The following HECW1 variants were observed in gnomAD, a reference collection of about 807,000 sequenced individuals.
The protein encoded by HECW1 is HECT, C2 and WW domain containing E3 ubiquitin protein ligase 1.
A neutral mutation model predicts 182.3 loss-of-function variants in HECW1; 61 were observed. The observed-to-expected ratio is 0.33, with a 90% CI of 0.27 to 0.41. HECW1 has a LOEUF of 0.41. Ranked by LOEUF, HECW1 falls within the 10% of genes least tolerant of loss-of-function variation. The pLI is 1.00. For synonymous variants in HECW1, 859 were observed against 832.6 expected (o/e 1.03, Z -0.55); for missense variants, 1,739 against 2,108.9 (o/e 0.82, Z 3.44).
chr7:43,168,281 AG>A (rs1791333877), intron 2 of HECW1, among the ~76,000 whole-genome samples: 1 of 152,168 alleles, frequency 6.6e-6, no homozygotes, highest in African/African-American at 2.4e-5. Context: ...AGAGAGAGAG[AG>A]ACAAGGAAAC....
At chr7:43,415,462 T>A (rs1249531931) in intron 8 of HECW1, among the ~76,000 whole-genome samples, 1 of 151,666 alleles carries the variant, frequency 6.6e-6, no homozygotes, top group East Asian at 1.9e-4. Flanking sequence ...GCCCTTAACA[T>A]TTTTTCCTTC....
chr7:43,338,543 G>A (rs1162808656), intron 5 of HECW1, among the ~76,000 whole-genome samples: 2 of 151,970 alleles, frequency 1.3e-5, no homozygotes, highest in Non-Finnish European at 2.9e-5. Context: ...TAGCTCGTTG[G>A]TTTGTAGCCA....
At chr7:43,176,359 C>A (rs1283096913) in intron 2 of HECW1, among the ~76,000 whole-genome samples, 2 of 152,140 alleles carry the variant, frequency 1.3e-5, no homozygotes, top group East Asian at 3.9e-4. Context: ...TATTTTAGGA[C>A]CATTTTCATT....
At chr7:43,291,746 G>A (rs1805432905) in intron 3 of HECW1, among the ~76,000 whole-genome samples, 1 of 152,166 alleles carries the variant, frequency 6.6e-6, no homozygotes, top group African/African-American at 2.4e-5. Flanking sequence ...ACATTAACAA[G>A]AGAAAAACAA....
At chr7:43,157,429 T>C (rs1343078506) in intron 2 of HECW1, among the ~76,000 whole-genome samples, 1 of 152,214 alleles carries the variant, frequency 6.6e-6, no homozygotes, top group African/African-American at 2.4e-5. Context: ...AAAATAATAA[T>C]TTTGACTGTA....
intron 7 of HECW1, among the ~76,000 whole-genome samples, chr7:43,403,291 A>G (rs2075489188): frequency 6.6e-6 from 1 of 152,242 alleles, no homozygotes; most frequent in African/African-American, 2.4e-5. Flanking sequence ...TCTTCAACAA[A>G]GAACAGTACA....
At chr7:43,278,477 C>A (rs977699996) in intron 3 of HECW1, among the ~76,000 whole-genome samples, 1 of 152,166 alleles carries the variant, frequency 6.6e-6, no homozygotes, top group African/African-American at 2.4e-5. Context: ...ACCCATGCGG[C>A]CCGTTCTCAT....
intron 5 of HECW1, among the ~76,000 whole-genome samples, chr7:43,325,646 C>T (rs1022078690): frequency 2.6e-5 from 4 of 151,778 alleles, no homozygotes; most frequent in African/African-American, 7.3e-5. Flanking sequence ...TCGTAGGCAC[C>T]GCCTCCTCAC....
intron 8 of HECW1, among the ~76,000 whole-genome samples, chr7:43,408,815 G>A (rs2075700315): frequency 6.6e-6 from 1 of 152,172 alleles, no homozygotes; most frequent in South Asian, 2.1e-4. Flanking sequence ...AGAGTGGATG[G>A]GGTATAATGT....
intron 3 of HECW1, among the ~76,000 whole-genome samples, chr7:43,278,071 T>C (rs921632956): frequency 6.6e-6 from 1 of 152,110 alleles, no homozygotes. Flanking sequence ...AAATAACATA[T>C]ATTGGCAGGT....
intron 2 of HECW1, among the ~76,000 whole-genome samples, chr7:43,232,186 TTGAA>T (rs1244928004): frequency 1.3e-4 from 20 of 152,112 alleles, no homozygotes; most frequent in Non-Finnish European, 2.8e-4. Context: ...TTGGGATAGT[TTGAA>T]TGGGCCACAG....
chr7:43,563,249 A>C lies in HECW1; in HGVS notation c.*1323A>C, dbSNP rs1219459365. 1 of 208,820 alleles carries C rather than the reference A, an allele frequency of 4.8e-6. No homozygotes were observed. Among genetic ancestry groups the C allele is most frequent in the African/African-American group, 2.3e-5 (1 of 43,956 alleles). The allele number at this position is 208,820 out of a possible 1,614,324, so 12.9% of individuals were successfully genotyped here. On this transcript the variant is annotated 3_prime_UTR_variant, in exon 30 of 30. Transcript: ENST00000395891. ...TTAGCATTCAGTGAAAACATATCTC[A>C]GAAAACTTCATGTTGTCAGAAAAAC...
intron 3 of HECW1, among the ~76,000 whole-genome samples, chr7:43,275,704 G>GCA (rs1412332516): frequency 2.4e-4 from 35 of 148,454 alleles, no homozygotes; most frequent in East Asian, 7.8e-4. Context: ...GTTCTTATGC[G>GCA]CACGCACACA....
Position 43,445,386 on chromosome 7 carries a change from C to CGAG in HECW1, c.2224_2226dup (p.Glu742dup), listed in dbSNP as rs748600849. ...GCACGGTCTTCTCCTCGCAAGACGA[C>CGAG]GAGGAGGAGGAGAACAGCGCGTTCG... On this transcript the variant is annotated inframe_insertion, in exon 11 of 30. Transcript: ENST00000395891. 29 of 1,613,502 alleles carry CGAG rather than the reference C, an allele frequency of 1.8e-5. No homozygotes were observed. The highest frequency in any genetic ancestry group is 2.4e-5 in the Non-Finnish European group (28 of 1,179,988).
At chr7:43,180,613 T>G (rs553224398) in intron 2 of HECW1, among the ~76,000 whole-genome samples, 6 of 152,298 alleles carry the variant, frequency 3.9e-5, no homozygotes, top group African/African-American at 1.4e-4. Context: ...GCCAGGATGG[T>G]CTCGACCTCC....
At chr7:43,184,921 C>T (rs992245158) in intron 2 of HECW1, among the ~76,000 whole-genome samples, 1 of 151,856 alleles carries the variant, frequency 6.6e-6, no homozygotes, top group Non-Finnish European at 1.5e-5. Context: ...TGCCACACAC[C>T]CTTAAACAAT....
chr7:43,407,209 G>A (rs756548908), intron 7 of HECW1, among the ~76,000 whole-genome samples: 2 of 152,136 alleles, frequency 1.3e-5, no homozygotes, highest in African/African-American at 2.4e-5. Context: ...TCCACGCTCT[G>A]TGCTCTTTTA....
intron 6 of HECW1, among the ~76,000 whole-genome samples, chr7:43,378,603 G>C (rs530178683): frequency 1.3e-5 from 2 of 152,276 alleles, no homozygotes; most frequent in East Asian, 3.9e-4. Flanking sequence ...TCGGGAGTTT[G>C]AGACCAGCCT....
chr7:43,250,534 C>A (rs1332298597), intron 3 of HECW1, among the ~76,000 whole-genome samples: 3 of 151,972 alleles, frequency 2.0e-5, no homozygotes, highest in African/African-American at 7.2e-5. Flanking sequence ...ATGTAAAGCC[C>A]TAGGAAGTGC....
Sources: allele counts gnomAD v4.1 joint callset (sites outside exome capture counted in the v4.1 genomes callset), GRCh38; gene constraint gnomAD v4.1.1; transcripts MANE v1.5; gene names NCBI Gene and HGNC (gene_info 2026-07-23, HGNC 2026-07-21).